The following SYN3 variants were observed in gnomAD, a reference collection of about 807,000 sequenced individuals.
The protein encoded by SYN3 is synapsin-3.
SYN3 carries 35 observed loss-of-function variants against 65.8 expected under a neutral mutation model. The ratio of observed to expected loss-of-function variants is 0.53; its 90% confidence interval spans 0.41 to 0.70. The LOEUF is 0.70. Among genes scored for constraint, SYN3 ranks in the 30% least tolerant of loss-of-function variants. SYN3 has a pLI of 0.00. For missense variants in SYN3, 680 were observed against 749.0 expected, an observed-to-expected ratio of 0.91 and a Z score of 1.08; for synonymous variants, 270 against 292.9, an observed-to-expected ratio of 0.92 and a Z score of 0.80.
intron 7 of SYN3, among the ~76,000 whole-genome samples, chr22:32,595,407 T>C (rs1276990637): frequency 6.6e-6 from 1 of 152,226 alleles, no homozygotes; most frequent in Non-Finnish European, 1.5e-5. Context: ...GGTAGATTCC[T>C]ACCAAGAACT....
In SYN3 at chr22:32,874,798, C is replaced by T. The variant is rs371633756; in HGVS notation, c.462-5673G>A. On this transcript the variant is annotated intron_variant, in intron 4 of 13. Coordinates refer to ENST00000358763, the MANE Select transcript of SYN3 (RefSeq NM_003490.4). ...CCAGACTTTCTGACGTCCATGTCAA[C>T]GGGCAAAGAGACTTCACGTTTTCTC... Among the ~76,000 whole-genome samples the T allele has an allele frequency of 4.5e-4, 68 of 152,284 alleles. 3 individuals carry two copies. In the South Asian group the frequency reaches 0.012, roughly 26 times the overall value.
At chr22:33,037,005 A>T (rs1372283433) in intron 1 of SYN3, among the ~76,000 whole-genome samples, 1 of 152,054 alleles carries the variant, frequency 6.6e-6, no homozygotes, top group Non-Finnish European at 1.5e-5. Flanking sequence ...CCAAGTTCCA[A>T]TCACCCCTTT....
In SYN3 at chr22:32,650,258, CCTCTCTCT is replaced by C. The variant is rs142803609; in HGVS notation, c.712-53530_712-53523del. Among the ~76,000 whole-genome samples, 10 of 86,264 alleles carry C rather than the reference CCTCTCTCT, an allele frequency of 1.2e-4. No homozygotes were observed. The East Asian group carries it at 9.2e-3, about 79-fold the overall frequency. 56.6% of individuals were successfully genotyped at this position (86,264 alleles called of 152,430 possible). On this transcript the variant is annotated intron_variant, in intron 6 of 13. Transcript: ENST00000358763. ...CCCTCCCTCCCTCCCTCCCTCCCTC[CCTCTCTCT>C]CTCTCTCTCTTTCTTTTTGAGACAG...
intron 6 of SYN3, among the ~76,000 whole-genome samples, chr22:32,760,578 GC>G (rs1163719439): frequency 6.6e-6 from 1 of 151,960 alleles, no homozygotes; most frequent in Non-Finnish European, 1.5e-5. Context: ...CACATGCAGG[GC>G]CCCCCGTGGG....
At chr22:32,740,366 G>A (rs1275995823) in intron 6 of SYN3, among the ~76,000 whole-genome samples, 1 of 152,198 alleles carries the variant, frequency 6.6e-6, no homozygotes, top group Non-Finnish European at 1.5e-5. Flanking sequence ...AAAATGAGAG[G>A]TGCTGGAGAA....
intron 1 of SYN3, among the ~76,000 whole-genome samples, chr22:33,055,164 TCTC>T (rs903563853): frequency 3.9e-5 from 6 of 152,294 alleles, no homozygotes; most frequent in South Asian, 2.1e-4. Context: ...TTCAAGGAGT[TCTC>T]CTCCCAGAGG....
chr22:32,669,534 T>C (rs1237774371), intron 6 of SYN3, among the ~76,000 whole-genome samples: 1 of 152,226 alleles, frequency 6.6e-6, no homozygotes, highest in Non-Finnish European at 1.5e-5. Context: ...GGCTGTCATT[T>C]GCTACAGTTG....
chr22:32,678,554 A>ATCCTCCTCCTCCTTCC (rs1442229188), intron 6 of SYN3, among the ~76,000 whole-genome samples: 1 of 141,716 alleles, frequency 7.1e-6, no homozygotes, highest in Non-Finnish European at 1.5e-5. Flanking sequence ...CTCCTCCTTC[A>ATCCTCCTCCTCCTTCC]TCCTCCTCCT....
intron 12 of SYN3, 122 bp downstream of exon 12, chr22:32,527,796 T>C (rs1601566580): frequency 2.5e-6 from 2 of 788,174 alleles, no homozygotes; most frequent in South Asian, 3.4e-5. Flanking sequence ...TCATTCATTC[T>C]GTGGATAAAG....
chr22:33,037,734 C>G (rs9607004), intron 1 of SYN3, among the ~76,000 whole-genome samples: 27,558 of 152,164 alleles, frequency 0.18, 2,810 homozygotes, highest in East Asian at 0.41. Flanking sequence ...TTAACTACCA[C>G]TCCTGCCTGC....
intron 6 of SYN3, among the ~76,000 whole-genome samples, chr22:32,603,080 G>A (rs952200361): frequency 6.6e-6 from 1 of 151,586 alleles, no homozygotes; most frequent in Admixed American, 6.6e-5. Flanking sequence ...CCATGGCATT[G>A]CATACGGGGT....
chr22:32,734,911 A>G (rs751653662), intron 6 of SYN3, among the ~76,000 whole-genome samples: 1 of 152,130 alleles, frequency 6.6e-6, no homozygotes, highest in Non-Finnish European at 1.5e-5. Context: ...CATCCATTCT[A>G]TTCTCCTTCT....
chr22:32,605,182 C>G (rs1443526802), intron 6 of SYN3, among the ~76,000 whole-genome samples: 4 of 151,944 alleles, frequency 2.6e-5, no homozygotes, highest in African/African-American at 9.7e-5. Context: ...GCGTATTAGA[C>G]GAAGTCTCCC....
At chr22:32,957,848 T>C (rs1182835876) in intron 3 of SYN3, among the ~76,000 whole-genome samples, 2 of 152,218 alleles carry the variant, frequency 1.3e-5, no homozygotes, top group African/African-American at 4.8e-5. Context: ...AAAGGCTGAA[T>C]TCCTCTTCTC....
intron 6 of SYN3, among the ~76,000 whole-genome samples, chr22:32,614,815 C>T (rs1364261404): frequency 1.3e-5 from 2 of 152,120 alleles, no homozygotes; most frequent in Non-Finnish European, 2.9e-5. Flanking sequence ...AACTCAAGAG[C>T]GGGGCCCCCT....
intron 6 of SYN3, among the ~76,000 whole-genome samples, chr22:32,755,416 T>C (rs996378990): frequency 6.6e-6 from 1 of 152,170 alleles, no homozygotes; most frequent in Non-Finnish European, 1.5e-5. Flanking sequence ...AAACGTTACA[T>C]GGCAAGATCA....
At chr22:32,755,159 C>CT (rs1452518921) in intron 6 of SYN3, among the ~76,000 whole-genome samples, 1 of 152,188 alleles carries the variant, frequency 6.6e-6, no homozygotes, top group Non-Finnish European at 1.5e-5. Context: ...AGTTCCAGCA[C>CT]TTTTTGCAAA....
At chr22:32,567,315 G>C (rs548486610) in intron 7 of SYN3, among the ~76,000 whole-genome samples, 6 of 144,488 alleles carry the variant, frequency 4.2e-5, no homozygotes, top group Non-Finnish European at 9.1e-5. Context: ...GAACGATGAC[G>C]GAGATCCTCC....
intron 6 of SYN3, among the ~76,000 whole-genome samples, chr22:32,616,115 C>T (rs978806467): frequency 1.3e-5 from 2 of 152,158 alleles, no homozygotes; most frequent in Non-Finnish European, 2.9e-5. Flanking sequence ...AGCCAGGAGC[C>T]GGAGTGACAG....
Sources: gnomAD v4.1 joint callset for allele counts (sites outside exome capture counted in the v4.1 genomes callset) on GRCh38, gnomAD v4.1.1 for gene constraint, MANE v1.5 for transcripts, NCBI Gene and HGNC (gene_info 2026-07-23, HGNC 2026-07-21) for gene names.